C1orf21: variants seen among roughly 807,000 people sequenced by gnomAD.
C1orf21 encodes uncharacterized protein C1orf21.
C1orf21 carries 3 observed loss-of-function variants against 18.7 expected under a neutral mutation model. That is an observed-to-expected ratio of 0.16 (90% CI 0.07 to 0.42). C1orf21 has a LOEUF of 0.42. Among genes scored for constraint, C1orf21 ranks in the 10% least tolerant of loss-of-function variants. C1orf21 has a pLI of 0.99. For missense variants in C1orf21, 104 were observed against 143.6 expected (o/e 0.72, Z 1.41); for synonymous variants, 41 against 46.4 (o/e 0.88, Z 0.47).
chr1:184,583,594 T>C (rs369728458), intron 3 of C1orf21, among the ~76,000 whole-genome samples: 53 of 152,310 alleles, frequency 3.5e-4, no homozygotes, highest in Middle Eastern at 6.8e-3. Context: ...AAATACTAAG[T>C]GTAAAGGATC....
intron 2 of C1orf21, among the ~76,000 whole-genome samples, chr1:184,507,243 G>A (rs1012296634): frequency 7.2e-5 from 11 of 152,100 alleles, no homozygotes; most frequent in Non-Finnish European, 1.3e-4. Flanking sequence ...AATCTTATCA[G>A]ACAGTTCTGT....
chr1:184,464,364 G>A (rs1657355543), intron 1 of C1orf21, among the ~76,000 whole-genome samples: 1 of 152,162 alleles, frequency 6.6e-6, no homozygotes. Context: ...GGGTGTGCTG[G>A]GACTTTTTGG....
rs1026855964 is a variant in C1orf21, at chr1:184,387,093, C to G, written c.-400C>G. 1 of 151,554 alleles carries G rather than the reference C, an allele frequency of 6.6e-6. No individual in the cohort carries two copies. The highest frequency in any genetic ancestry group is 1.5e-5 in the Non-Finnish European group (1 of 67,800). The allele number at this position is 151,554 out of a possible 1,614,324, so 9.4% of individuals were successfully genotyped here. A position where few individuals can be genotyped will look rare whatever the true frequency, so the allele number is the denominator to read the frequency against. ...GGGGGACGTTCCGTGCCGCGGCCGC[C>G]GCGGCCGCTGCTTCTTTCACACTTT... On this transcript the variant is annotated 5_prime_UTR_variant, in exon 1 of 6. Coordinates refer to ENST00000235307, the MANE Select transcript of C1orf21 (RefSeq NM_030806.4). The surrounding 1 kb of genome is among the most constrained non-coding windows in gnomAD (Gnocchi z 5.6).
chr1:184,528,226 C>T (rs534435097), intron 3 of C1orf21, among the ~76,000 whole-genome samples: 166 of 152,208 alleles, frequency 1.1e-3, no homozygotes, highest in Admixed American at 3.1e-3. Context: ...AACCAGTATT[C>T]AATCTCTGTC....
chr1:184,410,560 A>T (rs1259841670), intron 1 of C1orf21, among the ~76,000 whole-genome samples: 1 of 128,456 alleles, frequency 7.8e-6, no homozygotes, highest in Admixed American at 8.4e-5. Context: ...CTTCTAATAC[A>T]TATATTCTTT....
chr1:184,474,955 C>T (rs1657547856), intron 1 of C1orf21, among the ~76,000 whole-genome samples: 2 of 152,112 alleles, frequency 1.3e-5, no homozygotes, highest in African/African-American at 4.8e-5. Flanking sequence ...GGCTGGGAAT[C>T]CAAAACAGCA....
chr1:184,405,050 G>T, intron 1 of C1orf21, among the ~76,000 whole-genome samples: 1 of 152,040 alleles, frequency 6.6e-6, no homozygotes, highest in East Asian at 1.9e-4. Flanking sequence ...TGTTTCTCCA[G>T]CCTGTCAAAA....
intron 1 of C1orf21, among the ~76,000 whole-genome samples, chr1:184,469,307 T>C (rs1657456074): frequency 1.3e-5 from 2 of 152,182 alleles, no homozygotes; most frequent in Non-Finnish European, 2.9e-5. Flanking sequence ...AATGATTAGC[T>C]TAGAAAATTC....
At chr1:184,442,835 A>T (rs540106915) in intron 1 of C1orf21, among the ~76,000 whole-genome samples, 7 of 152,326 alleles carry the variant, frequency 4.6e-5, no homozygotes, top group Admixed American at 2.6e-4. Context: ...TATGTCAGGC[A>T]ATGATTAATA....
rs140410495 is a variant in C1orf21 at position 184,597,516 on chromosome 1, C to A, written c.267-885C>A. 1.4e-3 allele frequency among the ~76,000 whole-genome samples: 215 copies of A among 152,254 alleles called. 2 individuals carry two copies. Among genetic ancestry groups the A allele is most frequent in the Admixed American group, 2.7e-3 (41 of 15,294 alleles). ...TTCCAGAGCCCACCCCCAGCCCCCTCCTTCAGACAGGACAACCAGTAGGCA... is the reference window on the plus strand; with the variant it reads ...TTCCAGAGCCCACCCCCAGCCCCCTACTTCAGACAGGACAACCAGTAGGCA... On this transcript the variant is annotated intron_variant, in intron 4 of 5. Transcript: ENST00000235307.
chr1:184,565,341 G>A (rs1464823383), intron 3 of C1orf21, among the ~76,000 whole-genome samples: 3 of 152,190 alleles, frequency 2.0e-5, no homozygotes, highest in Non-Finnish European at 2.9e-5. Flanking sequence ...TGTTTTATGA[G>A]AGAAATTCTG....
chr1:184,415,106 C>A (rs1483612256), intron 1 of C1orf21, among the ~76,000 whole-genome samples: 4 of 152,206 alleles, frequency 2.6e-5, no homozygotes, highest in African/African-American at 9.7e-5. Flanking sequence ...CTGACCCTCA[C>A]TCAACATGAC....
intron 1 of C1orf21, among the ~76,000 whole-genome samples, chr1:184,415,429 T>C (rs1656434132): frequency 6.6e-6 from 1 of 152,188 alleles, no homozygotes. Flanking sequence ...AGATAATCTG[T>C]TCAGTAGGTC....
intron 1 of C1orf21, among the ~76,000 whole-genome samples, chr1:184,405,567 C>T (rs1656231252): frequency 6.6e-6 from 1 of 152,150 alleles, no homozygotes; most frequent in Admixed American, 6.5e-5. Flanking sequence ...GCTACCCCTA[C>T]TTTCCACTGA....
At chr1:184,419,663 C>G (rs1656514453) in intron 1 of C1orf21, among the ~76,000 whole-genome samples, 2 of 151,796 alleles carry the variant, frequency 1.3e-5, no homozygotes, top group African/African-American at 4.8e-5. Flanking sequence ...AAAAACAGAG[C>G]TTAAAGGACA....
chr1:184,421,081 C>A (rs1454045065), intron 1 of C1orf21, among the ~76,000 whole-genome samples: 10 of 152,140 alleles, frequency 6.6e-5, no homozygotes, highest in Admixed American at 6.5e-4. Context: ...GTGCATTTCT[C>A]TCTTCATTTC....
chr1:184,490,385 T>C (rs1422971438), intron 2 of C1orf21, among the ~76,000 whole-genome samples: 2 of 152,204 alleles, frequency 1.3e-5, no homozygotes, highest in African/African-American at 4.8e-5. Context: ...GTAAAGAGGA[T>C]GATTAAAGCC....
At chr1:184,466,793 T>C (rs1657406222) in intron 1 of C1orf21, among the ~76,000 whole-genome samples, 1 of 152,140 alleles carries the variant, frequency 6.6e-6, no homozygotes, top group African/African-American at 2.4e-5. Context: ...CTGGATTCTA[T>C]TGGAAAGTGA....
intron 5 of C1orf21, among the ~76,000 whole-genome samples, chr1:184,613,013 C>T (rs761385874): frequency 4.6e-5 from 7 of 152,122 alleles, no homozygotes; most frequent in South Asian, 2.1e-4. Flanking sequence ...TGCAGTGGCA[C>T]GATCTTGACT....
Sources: allele counts gnomAD v4.1 joint callset (sites outside exome capture counted in the v4.1 genomes callset), GRCh38; gene constraint gnomAD v4.1.1; non-coding constraint Gnocchi (gnomAD v3.1); transcripts MANE v1.5; gene names NCBI Gene and HGNC (gene_info 2026-07-23, HGNC 2026-07-21).